HAT1: variants seen among roughly 807,000 people sequenced by gnomAD.
HAT1 encodes histone acetyltransferase type B catalytic subunit.
Under a neutral mutation model 56.6 loss-of-function variants are expected in HAT1, and 20 were observed. The ratio of observed to expected loss-of-function variants is 0.35; its 90% CI spans 0.25 to 0.51. The LOEUF is 0.51. HAT1 is among the 20% of genes least tolerant of loss of function. The pLI, the probability that HAT1 is intolerant of heterozygous loss-of-function variation, is 0.95. For synonymous variants in HAT1, 146 were observed against 165.5 expected, an observed-to-expected ratio of 0.88 and a Z score of 0.91; for missense variants, 408 against 504.3, an observed-to-expected ratio of 0.81 and a Z score of 1.83.
chr2:171,931,965 A>G (rs890344916), intron 2 of HAT1, among the ~76,000 whole-genome samples: 1 of 152,308 alleles, frequency 6.6e-6, no homozygotes, highest in Non-Finnish European at 1.5e-5. Context: ...TAGGTTTTTC[A>G]TATGTGCCCT....
At chr2:171,952,357 G>C (rs1282887898) in intron 3 of HAT1, among the ~76,000 whole-genome samples, 1 of 152,212 alleles carries the variant, frequency 6.6e-6, no homozygotes, top group African/African-American at 2.4e-5. Context: ...AGGGGTGGAA[G>C]AATTAGCAGC....
At chr2:171,950,222 G>A (rs1687271763) in intron 3 of HAT1, among the ~76,000 whole-genome samples, 2 of 152,144 alleles carry the variant, frequency 1.3e-5, no homozygotes, top group African/African-American at 4.8e-5. Flanking sequence ...AGGCTGGAAT[G>A]CAGTGGCATG....
At chr2:171,951,778 T>C (rs1687315771) in intron 3 of HAT1, among the ~76,000 whole-genome samples, 1 of 152,028 alleles carries the variant, frequency 6.6e-6, no homozygotes, top group Non-Finnish European at 1.5e-5. Context: ...TTTTGCGTAA[T>C]ATCACTGAAA....
chr2:171,937,595 A>G (rs1322852181), intron 2 of HAT1, among the ~76,000 whole-genome samples: 3 of 152,260 alleles, frequency 2.0e-5, no homozygotes, highest in African/African-American at 7.2e-5. Context: ...AAGGAGGTAT[A>G]GTATATAAGT....
intron 2 of HAT1, among the ~76,000 whole-genome samples, chr2:171,926,786 T>C (rs552456367): frequency 1.3e-5 from 2 of 152,372 alleles, no homozygotes; most frequent in African/African-American, 4.8e-5. Context: ...CCAGGAGTTA[T>C]ACTGCCAGGT....
intron 8 of HAT1, among the ~76,000 whole-genome samples, chr2:171,971,571 C>A (rs1687817089): frequency 1.3e-5 from 2 of 152,120 alleles, no homozygotes; most frequent in South Asian, 4.1e-4. Context: ...CATTGAATTG[C>A]CTTGGTACTT....
At chr2:171,968,720 T>A (rs1184986540) in intron 8 of HAT1, among the ~76,000 whole-genome samples, 3 of 152,146 alleles carry the variant, frequency 2.0e-5, no homozygotes, top group Non-Finnish European at 4.4e-5. Flanking sequence ...CTGTTCTCAT[T>A]AAGATATTTA....
At chr2:171,955,974 G>C (rs753117863) in intron 4 of HAT1, among the ~76,000 whole-genome samples, 20 of 152,272 alleles carry the variant, frequency 1.3e-4, no homozygotes, top group South Asian at 8.3e-4. Flanking sequence ...GAACCCGGTA[G>C]GCGGAGGTTG....
chr2:171,972,623 G>A (rs775440169), intron 8 of HAT1, among the ~76,000 whole-genome samples: 1 of 152,174 alleles, frequency 6.6e-6, no homozygotes, highest in Non-Finnish European at 1.5e-5. Context: ...GCAAGCTGTG[G>A]GGTCTCCTAG....
At chr2:171,956,249 C>G (rs932597546) in intron 4 of HAT1, among the ~76,000 whole-genome samples, 29 of 149,986 alleles carry the variant, frequency 1.9e-4, no homozygotes, top group Non-Finnish European at 3.2e-4. Context: ...TTTGGGAGGC[C>G]AAGGTAGGTA....
At chr2:171,983,044 C>CAAA in intron 10 of HAT1, 141 bp from the exon 11 acceptor site, 1 of 517,018 alleles carries the variant, frequency 1.9e-6, no homozygotes, top group Non-Finnish European at 3.4e-6. Context: ...AAAAACAAAA[C>CAAA]AAAACAAAAA....
At chr2:171,940,714 G>T (rs1055638572) in intron 2 of HAT1, among the ~76,000 whole-genome samples, 14 of 152,134 alleles carry the variant, frequency 9.2e-5, no homozygotes, top group Non-Finnish European at 1.6e-4. Flanking sequence ...AAGCAGTTTT[G>T]AAGGTTTTGT....
intron 2 of HAT1, among the ~76,000 whole-genome samples, chr2:171,937,541 C>T (rs145698706): frequency 6.6e-6 from 1 of 152,144 alleles, no homozygotes; most frequent in East Asian, 1.9e-4. Context: ...ATGCCTATAT[C>T]TAAGGGAGTG....
intron 2 of HAT1, among the ~76,000 whole-genome samples, chr2:171,938,024 TTCTCTCTCTCTCTCTCTCTCTCTC>T (rs374402453): frequency 1.9e-4 from 20 of 104,802 alleles, no homozygotes; most frequent in Non-Finnish European, 2.4e-4. Flanking sequence ...TGTCTACTGA[TTCTCTCTCTCTCTCTCTCTCTCTC>T]TCTCTCTCTC....
At chr2:171,974,173 C>CAAAAAAA (rs1183466393) in intron 8 of HAT1, among the ~76,000 whole-genome samples, 117 of 45,374 alleles carry the variant, frequency 2.6e-3, no homozygotes, top group East Asian at 3.7e-3. Flanking sequence ...GACCCTGTCT[C>CAAAAAAA]AAAAAAAAAA....
chr2:171,963,437 C>G (rs1374076808), intron 4 of HAT1, among the ~76,000 whole-genome samples: 1 of 152,106 alleles, frequency 6.6e-6, no homozygotes, highest in Non-Finnish European at 1.5e-5. Flanking sequence ...CTACTTGAAA[C>G]TTAGAGTTTC....
chr2:171,965,596 A>C lies in HAT1; in HGVS notation c.489+79A>C, dbSNP rs540476814. On this transcript the variant is annotated intron_variant, in intron 5 of 10. Coordinates refer to ENST00000264108, the MANE Select transcript of HAT1 (RefSeq NM_003642.4). The stretch of plus-strand genomic sequence containing the variant: ...TATGTAGTTTTGTTGTCAGTGATTT[A>C]TTCTAACTGCAGTAAACAAGTTTTA... 1.5e-5 allele frequency: 16 copies of C among 1,041,804 alleles called. No individual in the cohort carries two copies. The East Asian group carries it at 3.9e-4, about 25-fold the overall frequency. 64.5% of individuals were successfully genotyped at this position (1,041,804 alleles called of 1,614,324 possible). A position where few individuals can be genotyped will look rare whatever the true frequency, so the allele number is the denominator to read the frequency against.
intron 4 of HAT1, among the ~76,000 whole-genome samples, chr2:171,961,427 A>G (rs1465178976): frequency 6.6e-6 from 1 of 152,202 alleles, no homozygotes; most frequent in African/African-American, 2.4e-5. Context: ...TGGTACAGGA[A>G]GTTGAAATAG....
At chr2:171,975,943 G>A (rs1687950370) in intron 8 of HAT1, among the ~76,000 whole-genome samples, 1 of 99,514 alleles carries the variant, frequency 1.0e-5, no homozygotes, top group African/African-American at 3.7e-5. Flanking sequence ...AGGTTATATT[G>A]ATTTGATGTC....
Sources: allele counts gnomAD v4.1 joint callset (sites outside exome capture counted in the v4.1 genomes callset), GRCh38; gene constraint gnomAD v4.1.1; transcripts MANE v1.5; gene names NCBI Gene and HGNC (gene_info 2026-07-23, HGNC 2026-07-21).